OSBPL1A: variants seen among roughly 807,000 people sequenced by gnomAD.
OSBPL1A encodes oxysterol binding protein like 1A.
In OSBPL1A, 80 loss-of-function variants were observed where a neutral mutation model predicts 137.1. The observed-to-expected ratio is 0.58, with a 90% CI of 0.49 to 0.70. The LOEUF (loss-of-function observed/expected upper bound fraction) is 0.70, where lower values mean the gene tolerates loss of function less well. Ranked by LOEUF, OSBPL1A falls within the 30% of genes least tolerant of loss-of-function variation. The pLI, the probability that OSBPL1A is intolerant of heterozygous loss-of-function variation, is 0.00. For missense variants in OSBPL1A, 970 were observed against 1,129.4 expected, an observed-to-expected ratio of 0.86 and a Z score of 2.02; for synonymous variants, 365 against 389.7, an observed-to-expected ratio of 0.94 and a Z score of 0.75.
At position 24,318,751 on chromosome 18, in the gene OSBPL1A, ATTACC is replaced by A. The variant is rs2090786869; in HGVS notation, c.679_683del (p.Gly227Ter). 4 of 1,612,414 alleles carry A rather than the reference ATTACC, an allele frequency of 2.5e-6. No individual in the cohort carries two copies. The highest frequency in any genetic ancestry group is 3.4e-6 in the Non-Finnish European group (4 of 1,179,506). ...AATTTAATTCATTACTCTGTACCTTATTACCAACAAGAATGTGTTTCATTTCAGCA... is the reference window on the plus strand; with the variant it reads ...AATTTAATTCATTACTCTGTACCTTAAACAAGAATGTGTTTCATTTCAGCA... On this transcript the variant is annotated frameshift_variant, in exon 8 of 28. Coordinates refer to ENST00000319481, the MANE Select transcript of OSBPL1A (RefSeq NM_080597.4). LOFTEE classifies it high-confidence loss of function.
chr18:24,397,361 C>A (rs931336493), intron 1 of OSBPL1A, among the ~76,000 whole-genome samples: 1 of 152,222 alleles, frequency 6.6e-6, no homozygotes, highest in Non-Finnish European at 1.5e-5. Flanking sequence ...GGGATGCATG[C>A]GGCACCAGCA....
chr18:24,397,386 G>A (rs1907828784), intron 1 of OSBPL1A, among the ~76,000 whole-genome samples: 1 of 152,230 alleles, frequency 6.6e-6, no homozygotes. Flanking sequence ...CGTGGCACCC[G>A]AGTGGGAAGT....
chr18:24,210,264 A>C (rs905355368), intron 17 of OSBPL1A, among the ~76,000 whole-genome samples: 2 of 152,040 alleles, frequency 1.3e-5, no homozygotes, highest in Non-Finnish European at 1.5e-5. Flanking sequence ...GTCTCTACTA[A>C]AAATACAAAA....
At chr18:24,302,152 TGAACACGGGAGGCGGAG>T (rs1303364284) in intron 14 of OSBPL1A, among the ~76,000 whole-genome samples, 1 of 148,282 alleles carries the variant, frequency 6.7e-6, no homozygotes, top group Non-Finnish European at 1.5e-5. Flanking sequence ...GAGAATGGCA[TGAACACGGGAGGCGGAG>T]CTTGCAGTGA....
At chr18:24,352,943 A>G (rs1256243923) in intron 4 of OSBPL1A, among the ~76,000 whole-genome samples, 2 of 152,150 alleles carry the variant, frequency 1.3e-5, no homozygotes, top group Non-Finnish European at 2.9e-5. Flanking sequence ...TTACATGTTA[A>G]ACCTAAAACC....
chr18:24,203,274 G>A (rs1440327673), intron 17 of OSBPL1A, among the ~76,000 whole-genome samples: 2 of 152,134 alleles, frequency 1.3e-5, no homozygotes, highest in Admixed American at 1.3e-4. Flanking sequence ...ACCGTGCTTG[G>A]CCAAAATATA....
At chr18:24,191,014 G>C (rs2086875756) in intron 18 of OSBPL1A, among the ~76,000 whole-genome samples, 1 of 152,146 alleles carries the variant, frequency 6.6e-6, no homozygotes, top group African/African-American at 2.4e-5. Context: ...TACTGGCAAA[G>C]GTTTACTTCA....
chr18:24,317,082 T>C (rs1158273932), intron 11 of OSBPL1A, 67 bp downstream of exon 11: 40 of 1,492,398 alleles, frequency 2.7e-5, no homozygotes, highest in Non-Finnish European at 3.7e-5. Context: ...GTATAAATGA[T>C]TTGGGTCAAT....
chr18:24,250,860 C>T (rs141643014), intron 15 of OSBPL1A, among the ~76,000 whole-genome samples: 107 of 152,298 alleles, frequency 7.0e-4, no homozygotes, highest in African/African-American at 2.5e-3. Flanking sequence ...CTGCCCTGGG[C>T]CACAGGGGAG....
chr18:24,312,437 T>C (rs1488575566), intron 12 of OSBPL1A, among the ~76,000 whole-genome samples: 1 of 152,248 alleles, frequency 6.6e-6, no homozygotes, highest in East Asian at 1.9e-4. Context: ...ATTGAGAACC[T>C]GTAATTTTAT....
At chr18:24,332,836 T>A in intron 7 of OSBPL1A, 106 bp downstream of exon 7, 1 of 1,339,732 alleles carries the variant, frequency 7.5e-7, no homozygotes, top group Non-Finnish European at 1.0e-6. Flanking sequence ...ATAGAAACCA[T>A]ACAGTTTAAC....
intron 14 of OSBPL1A, among the ~76,000 whole-genome samples, chr18:24,287,302 T>C (rs1423940436): frequency 6.6e-6 from 1 of 152,186 alleles, no homozygotes; most frequent in African/African-American, 2.4e-5. Flanking sequence ...AAATGGTAAC[T>C]AGGGTTGAGC....
chr18:24,265,471 C>T (rs113343576), intron 15 of OSBPL1A, among the ~76,000 whole-genome samples: 8,249 of 152,182 alleles, frequency 0.054, 308 homozygotes, highest in African/African-American at 0.1. Flanking sequence ...CAGAGTGATA[C>T]TCCATCTTGG....
chr18:24,166,425 T>G (rs1479182867), intron 26 of OSBPL1A, among the ~76,000 whole-genome samples, 154 bp downstream of exon 26: 1 of 152,182 alleles, frequency 6.6e-6, no homozygotes, highest in East Asian at 1.9e-4. Context: ...AAATAAAAGT[T>G]ACTGAATTTA....
intron 18 of OSBPL1A, among the ~76,000 whole-genome samples, chr18:24,193,171 A>G (rs1326484360): frequency 3.3e-5 from 5 of 152,208 alleles, no homozygotes. Flanking sequence ...GAAGTGAAGT[A>G]TTTGGATTAA....
intron 15 of OSBPL1A, among the ~76,000 whole-genome samples, chr18:24,248,064 T>C (rs2088957027): frequency 6.6e-6 from 1 of 152,226 alleles, no homozygotes; most frequent in Admixed American, 6.5e-5. Context: ...AGTATACAGC[T>C]GGCCTTTGCT....
chr18:24,207,237 T>C (rs901565406), intron 17 of OSBPL1A, among the ~76,000 whole-genome samples: 2 of 151,906 alleles, frequency 1.3e-5, no homozygotes, highest in African/African-American at 4.8e-5. Context: ...GCACCCACCA[T>C]CATGCCTGGC....
chr18:24,206,032 A>G (rs1463758488), intron 17 of OSBPL1A, among the ~76,000 whole-genome samples: 2 of 152,152 alleles, frequency 1.3e-5, no homozygotes, highest in Admixed American at 1.3e-4. Context: ...CTGGGACTAC[A>G]GGCATGTGCC....
chr18:24,361,925 A>G (rs988475127), intron 4 of OSBPL1A, among the ~76,000 whole-genome samples: 3 of 146,666 alleles, frequency 2.0e-5, no homozygotes, highest in African/African-American at 7.6e-5. Flanking sequence ...TGAACCCGAG[A>G]GGCGGAGATT....
Sources: gnomAD v4.1 joint callset for allele counts (sites outside exome capture counted in the v4.1 genomes callset) on GRCh38, gnomAD v4.1.1 for gene constraint, MANE v1.5 for transcripts, NCBI Gene and HGNC (gene_info 2026-07-23, HGNC 2026-07-21) for gene names.